Variants in TUSC3 observed in about 807,000 individuals in gnomAD.
TUSC3 encodes dolichyl-diphosphooligosaccharide--protein glycosyltransferase subunit TUSC3.
TUSC3 carries 45 observed loss-of-function variants against 44.8 expected under a neutral mutation model. That is an observed-to-expected ratio of 1.00 (90% confidence interval 0.79 to 1.29). TUSC3 has a LOEUF of 1.29. Among genes scored for constraint, TUSC3 ranks in the 50% most tolerant of loss-of-function variants. The pLI, the probability that TUSC3 is intolerant of heterozygous loss-of-function variation, is 0.00. For synonymous variants in TUSC3, 212 were observed against 152.9 expected, an observed-to-expected ratio of 1.39 and a Z score of -2.85; for missense variants, 519 against 437.9, an observed-to-expected ratio of 1.19 and a Z score of -1.65.
At chr8:15,783,710 A>G in the TUSC3 span, among the ~76,000 whole-genome samples, 5 of 152,206 alleles carry the variant, frequency 3.3e-5, no homozygotes, top group Admixed American at 2.0e-4. Flanking sequence ...GCAAAAATCA[A>G]TTCAAAATGG....
chr8:15,748,391 A>G lies in TUSC3; in HGVS notation c.954A>G (p.Gly318=), dbSNP rs752224252. 2 of 1,613,370 alleles carry G rather than the reference A, an allele frequency of 1.2e-6. No individual in the cohort carries two copies. Among genetic ancestry groups the G allele is most frequent in the Admixed American group, 1.7e-5 (1 of 59,996 alleles). ...VGKRRIICLV[G]LGLVVFFFSF... is the part of the protein sequence containing the mutation. ...TGTTTCTAGTAATTTGCCTAGTGGG[A>G]TTGGGCCTGGTGGTCTTCTTCTTCA... Residue 318 remains glycine (G), a synonymous_variant, in exon 9 of 11, where the codon GGA becomes GGG. Coordinates refer to ENST00000503731, the MANE Select transcript of TUSC3 (RefSeq NM_006765.4).
At chr8:15,791,632 C>G in the TUSC3 span, among the ~76,000 whole-genome samples, 3 of 152,058 alleles carry the variant, frequency 2.0e-5, no homozygotes, top group Non-Finnish European at 2.9e-5. Context: ...ACATCATTGC[C>G]AATGCTCAAA....
intron 6 of TUSC3, among the ~76,000 whole-genome samples, chr8:15,719,761 C>G (rs1020220706): frequency 6.6e-6 from 1 of 152,018 alleles, no homozygotes; most frequent in African/African-American, 2.4e-5. Context: ...CCTTCCATCC[C>G]CATTTCACAT....
At chr8:15,735,679 G>C (rs73197176) in intron 7 of TUSC3, among the ~76,000 whole-genome samples, 11,373 of 152,080 alleles carry the variant, frequency 0.075, 649 homozygotes, top group South Asian at 0.26. Flanking sequence ...TAAAGATACA[G>C]TGGATATGTT....
intron 1 of TUSC3, among the ~76,000 whole-genome samples, chr8:15,550,111 T>G (rs1023712807): frequency 8.6e-5 from 13 of 151,776 alleles, no homozygotes; most frequent in Non-Finnish European, 2.9e-5. Context: ...ATTTTCACAA[T>G]GCTTTTCCAT....
chr8:15,827,708 A>T, the TUSC3 span, among the ~76,000 whole-genome samples: 1 of 152,158 alleles, frequency 6.6e-6, no homozygotes, highest in Non-Finnish European at 1.5e-5. Flanking sequence ...CATAAATTTT[A>T]TTGGTAAACT....
At chr8:15,556,780 T>C (rs548964323) in intron 1 of TUSC3, among the ~76,000 whole-genome samples, 197 of 131,804 alleles carry the variant, frequency 1.5e-3, no homozygotes, top group African/African-American at 5.2e-3. Context: ...TTTCATGTGT[T>C]TTTTGGCTGC....
At chr8:15,450,956 A>C (rs939398362) in intron 1 of TUSC3, among the ~76,000 whole-genome samples, 2 of 152,164 alleles carry the variant, frequency 1.3e-5, no homozygotes, top group Admixed American at 1.3e-4. Context: ...CCCTTCTGGC[A>C]GTGAACTTGA....
intron 1 of TUSC3, among the ~76,000 whole-genome samples, chr8:15,561,958 C>A (rs1802489992): frequency 6.6e-6 from 1 of 152,204 alleles, no homozygotes; most frequent in Admixed American, 6.5e-5. Flanking sequence ...CAGAAATCAC[C>A]ATCTTCTGCG....
chr8:15,592,899 T>G (rs986150965), intron 1 of TUSC3, among the ~76,000 whole-genome samples: 9 of 152,124 alleles, frequency 5.9e-5, no homozygotes, highest in Non-Finnish European at 1.3e-4. Flanking sequence ...GCCAGTAGTG[T>G]TGTCATCAGG....
rs1340246656 is a variant in TUSC3 at position 15,662,301 on chromosome 8, G to A, written c.708+5G>A. 3 of 1,612,260 alleles carry A rather than the reference G, an allele frequency of 1.9e-6. No homozygotes were observed. The highest frequency in any genetic ancestry group is 1.3e-5 in the African/African-American group (1 of 74,776). On this transcript the variant is annotated splice_donor_5th_base_variant and intron_variant, in intron 5 of 10. Coordinates refer to ENST00000503731, the MANE Select transcript of TUSC3 (RefSeq NM_006765.4). ...GGTTGGGCCATGGTGTCTCTGGTATGTTAATACATTGTGCTTTTTTTATTT... is the reference window on the plus strand; with the variant it reads ...GGTTGGGCCATGGTGTCTCTGGTATATTAATACATTGTGCTTTTTTTATTT...
chr8:15,539,426 C>T (rs538850694), upstream of TUSC3, among the ~76,000 whole-genome samples: 8 of 133,514 alleles, frequency 6.0e-5, no homozygotes, highest in Non-Finnish European at 1.1e-4. Context: ...GATCTCGGCT[C>T]ACTGCAACCT....
At chr8:15,849,993 T>TA in the TUSC3 span, among the ~76,000 whole-genome samples, 3,120 of 152,218 alleles carry the variant, frequency 0.02, 119 homozygotes, top group African/African-American at 0.07. Flanking sequence ...AGGTAACATT[T>TA]GATACCATTC....
chr8:15,478,763 A>T (rs1354057019), intron 1 of TUSC3, among the ~76,000 whole-genome samples: 1 of 152,126 alleles, frequency 6.6e-6, no homozygotes, highest in African/African-American at 2.4e-5. Context: ...TATCTTTATA[A>T]CAGAATGATT....
chr8:15,438,944 G>C (rs376973828), intron 1 of TUSC3, among the ~76,000 whole-genome samples: 1 of 152,128 alleles, frequency 6.6e-6, no homozygotes, highest in South Asian at 2.1e-4. Flanking sequence ...GCAAGGAGAG[G>C]AATCTACAAA....
chr8:15,780,572 G>A, the TUSC3 span, among the ~76,000 whole-genome samples: 1 of 152,222 alleles, frequency 6.6e-6, no homozygotes, highest in African/African-American at 2.4e-5. Context: ...AGCATACTCT[G>A]CCGCCTGTTG....
At chr8:15,508,216 G>T (rs546129726) in intron 2 of TUSC3, among the ~76,000 whole-genome samples, 9 of 152,168 alleles carry the variant, frequency 5.9e-5, no homozygotes, top group African/African-American at 2.2e-4. Context: ...TTCTGGCCTG[G>T]GTGATAGGGT....
intron 1 of TUSC3, among the ~76,000 whole-genome samples, chr8:15,619,790 G>A (rs1585160171): frequency 1.3e-5 from 2 of 152,262 alleles, no homozygotes; most frequent in East Asian, 1.9e-4. Flanking sequence ...GATTACAGGC[G>A]TGAGCCACCG....
intron 2 of TUSC3, among the ~76,000 whole-genome samples, chr8:15,507,786 A>G (rs1801077054): frequency 6.7e-6 from 1 of 150,030 alleles, no homozygotes; most frequent in Admixed American, 6.7e-5. Flanking sequence ...GAGAGAGAGG[A>G]TGATGTAAGG....
Sources: gnomAD v4.1 joint callset for allele counts (sites outside exome capture counted in the v4.1 genomes callset) on GRCh38, gnomAD v4.1.1 for gene constraint, MANE v1.5 for transcripts, NCBI Gene and HGNC (gene_info 2026-07-23, HGNC 2026-07-21) for gene names.